Variants in CACNA1H observed in about 807,000 individuals in gnomAD.
CACNA1H encodes calcium voltage-gated channel subunit alpha1 H.
A neutral mutation model predicts 192.5 loss-of-function variants in CACNA1H; 149 were observed. The observed-to-expected ratio is 0.77, with a 90% CI of 0.68 to 0.89. The LOEUF (loss-of-function observed/expected upper bound fraction) is 0.89. Ranked by LOEUF, CACNA1H falls within the 40% of genes least tolerant of loss-of-function variation. The probability of loss-of-function intolerance (pLI) is 0.00; values close to 1 mark genes in which losing one functional copy is unlikely to be tolerated. For synonymous variants in CACNA1H, 2,202 were observed against 1,475.2 expected (o/e 1.49, Z -11.29); for missense variants, 4,257 against 3,423.5 (o/e 1.24, Z -6.08).
chr16:1,186,708 GCCT>G (rs576136766), intron 2 of CACNA1H, among the ~76,000 whole-genome samples: 91 of 152,282 alleles, frequency 6.0e-4, no homozygotes, highest in African/African-American at 1.2e-3. Context: ...TGGCACCACC[GCCT>G]CCTCAACGGG....
At chr16:1,207,494 C>T (rs912547533) in intron 14 of CACNA1H, 64 bp downstream of exon 14, 33 of 1,532,274 alleles carry the variant, frequency 2.2e-5, no homozygotes, top group African/African-American at 6.8e-5. Flanking sequence ...GGCTTCAGGT[C>T]GAGGGGAGGG....
chr16:1,216,171 C>T lies in CACNA1H; in HGVS notation c.5244+578C>T, dbSNP rs373143748. On this transcript the variant is annotated intron_variant, in intron 30 of 34. Transcript: ENST00000348261. ...CCCCCACGGCTGCCTATGCACCCGG[C>T]ACCTCCTCCTGTTCCCACCCATTTC... is the stretch of plus-strand genomic sequence containing the variant. Among the ~76,000 whole-genome samples the T allele has an allele frequency of 1.4e-3, 214 of 152,312 alleles. 1 individual carries two copies. Among genetic ancestry groups the T allele is most frequent in the African/African-American group, 4.7e-3 (197 of 41,558 alleles).
chr16:1,165,930 G>C (rs1467688849), intron 2 of CACNA1H, among the ~76,000 whole-genome samples: 3 of 152,158 alleles, frequency 2.0e-5, no homozygotes, highest in Non-Finnish European at 4.4e-5. Flanking sequence ...CGGCCGTGTG[G>C]GGCAAGAGTG....
chr16:1,205,810 G>T (rs1347260577), intron 11 of CACNA1H, among the ~76,000 whole-genome samples: 1 of 152,200 alleles, frequency 6.6e-6, no homozygotes, highest in East Asian at 1.9e-4. Flanking sequence ...GCTGTGGAAG[G>T]CCCAGGATAG....
intron 2 of CACNA1H, among the ~76,000 whole-genome samples, chr16:1,185,483 A>ACGC (rs1246826883): frequency 6.8e-6 from 1 of 147,978 alleles, no homozygotes; most frequent in Non-Finnish European, 1.5e-5. Context: ...TCCCACATGG[A>ACGC]CGCTGCCATC....
chr16:1,165,276 C>T (rs1323247016), intron 2 of CACNA1H, among the ~76,000 whole-genome samples: 1 of 152,210 alleles, frequency 6.6e-6, no homozygotes, highest in Non-Finnish European at 1.5e-5. Context: ...ACAGGAATGG[C>T]TTCAGCGGGC....
intron 5 of CACNA1H, among the ~76,000 whole-genome samples, chr16:1,196,300 C>T (rs1046872303): frequency 2.0e-5 from 3 of 152,268 alleles, no homozygotes; most frequent in East Asian, 3.8e-4. Flanking sequence ...TCCGAACCTC[C>T]GGTTCCTTCT....
Position 1,210,587 on chromosome 16 carries a change from G to A in CACNA1H, c.3974G>A (p.Arg1325Gln), listed in dbSNP as rs949170696. 2.4e-5 allele frequency: 38 copies of A among 1,608,834 alleles called. No individual in the cohort carries two copies. In the Admixed American group the frequency reaches 4.2e-4, roughly 18 times the overall value. The change falls in exon 20 of 35, where the codon CGG (arginine) becomes CAG (glutamine). Residue 1325 changes from arginine to glutamine, a missense_variant. Physicochemically the swap from Arg to Gln is conservative, Grantham distance 43. Coordinates refer to ENST00000348261, the MANE Select transcript of CACNA1H (RefSeq NM_021098.3). ...RPDIDPGSTE[R>Q]VFLSVSNYIF... ...CCCACCGTCCTCTCCCGGCAGGAGCGGGTCTTCCTCAGCGTCTCCAATTAC... is the reference window on the plus strand; with the variant it reads ...CCCACCGTCCTCTCCCGGCAGGAGCAGGTCTTCCTCAGCGTCTCCAATTAC...
Position 1,202,073 on chromosome 16 carries a change from C to CA in CACNA1H, c.1623_1624insA (p.Glu542ArgfsTer114). The CA allele has an allele frequency of 6.5e-7, 1 of 1,540,792 alleles. No homozygotes were observed. The highest frequency in any genetic ancestry group is 1.2e-5 in the South Asian group (1 of 83,918). ...ATGGCAGCCCCCGCAGGCCCGGCCC[C>CA]GAGCCAGGCGCCTGCGACACCAGGC... On this transcript the variant is annotated frameshift_variant, in exon 9 of 35. Coordinates refer to ENST00000348261, the MANE Select transcript of CACNA1H (RefSeq NM_021098.3). LOFTEE classifies it high-confidence loss of function.
chr16:1,195,888 C>A, intron 4 of CACNA1H, 38 bp from the exon 5 acceptor site: 1 of 1,517,400 alleles, frequency 6.6e-7, no homozygotes, highest in Non-Finnish European at 9.2e-7. Context: ...ACCACCTGGG[C>A]TCCTTGTTGA....
At chr16:1,219,652 G>C (rs961563259) in intron 34 of CACNA1H, among the ~76,000 whole-genome samples, 1 of 152,222 alleles carries the variant, frequency 6.6e-6, no homozygotes, top group African/African-American at 2.4e-5. Context: ...GCAGTTAGGA[G>C]AGCCCCATCC....
Position 1,198,733 on chromosome 16 carries a change from C to T in CACNA1H, c.762C>T (p.Gly254=), listed in dbSNP as rs754145810. 9.9e-6 allele frequency: 16 copies of T among 1,612,872 alleles called. No homozygotes were observed. The African/African-American group carries it at 1.1e-4, about 11-fold the overall frequency. Residue 254 remains glycine (G), a synonymous_variant, in exon 6 of 35, where the codon GGC becomes GGT. Coordinates refer to ENST00000348261, the MANE Select transcript of CACNA1H (RefSeq NM_021098.3). ...FGIVGVQLWA[G]LLRNRCFLDS... ...TCGTTGGCGTCCAGCTCTGGGCTGG[C>T]CTCCTGCGGAACCGCTGCTTCCTGG...
At chr16:1,183,830 C>T (rs1965717997) in intron 2 of CACNA1H, among the ~76,000 whole-genome samples, 1 of 152,256 alleles carries the variant, frequency 6.6e-6, no homozygotes, top group Non-Finnish European at 1.5e-5. Context: ...GTCCCACCTG[C>T]TGGGAGACTC....
rs377043732 is a variant in CACNA1H at position 1,167,282 on chromosome 16, C to T, written c.299+13246C>T. On this transcript the variant is annotated intron_variant, in intron 2 of 34. Coordinates refer to ENST00000348261, the MANE Select transcript of CACNA1H (RefSeq NM_021098.3). This position sits in a 1 kb window ranked among gnomAD's most constrained non-coding sequence, Gnocchi z 4.2. ...GCCCGTCCCGGTGGGTGGGGCTTGC[C>T]GGCCGCCCGCGAATGTCAGGAACCT... Among the ~76,000 whole-genome samples, 11 of 152,224 alleles carry T rather than the reference C, an allele frequency of 7.2e-5. No individual in the cohort carries two copies. The highest frequency in any genetic ancestry group is 5.8e-4 in the East Asian group (3 of 5,162).
chr16:1,201,689 G>A lies in CACNA1H; in HGVS notation c.1239G>A (p.Leu413=), dbSNP rs757659376. 4.2e-5 allele frequency: 68 copies of A among 1,605,760 alleles called. No individual in the cohort carries two copies. Among genetic ancestry groups the A allele is most frequent in the Non-Finnish European group, 2.6e-6 (3 of 1,175,364 alleles). The change falls in exon 9 of 35, where the codon CTG becomes CTA. Residue 413 remains leucine (L), a synonymous_variant. Transcript: ENST00000348261. ...TGGGCTCCTTCTTCATGATCAACCTGTGCCTGGTGGTGATTGCCACGCAGT... is the reference window on the plus strand; with the variant it reads ...TGGGCTCCTTCTTCATGATCAACCTATGCCTGGTGGTGATTGCCACGCAGT... ...IIVGSFFMIN[L]CLVVIATQFS... is the part of the protein sequence containing the mutation.
intron 9 of CACNA1H, 144 bp downstream of exon 9, chr16:1,202,596 G>A: frequency 3.9e-6 from 3 of 767,488 alleles, no homozygotes; most frequent in South Asian, 4.3e-5. Context: ...TATGCCTCTG[G>A]AGCCCATAAG....
chr16:1,200,140 C>T lies in CACNA1H; in HGVS notation c.804-116C>T, dbSNP rs1196592859. On this transcript the variant is annotated intron_variant, in intron 6 of 34. Transcript: ENST00000348261. ...CCCTAACCATGATTAGTCCACTGGC[C>T]CTGACCCTGATCACGTCCCTGACCT... 4.8e-6 allele frequency: 4 copies of T among 837,712 alleles called. No homozygotes were observed. The African/African-American group carries it at 5.2e-5, about 11-fold the overall frequency. 51.9% of individuals were successfully genotyped at this position (837,712 alleles called of 1,614,324 possible).
chr16:1,175,726 C>T (rs181863015), intron 2 of CACNA1H, among the ~76,000 whole-genome samples: 1 of 152,166 alleles, frequency 6.6e-6, no homozygotes, highest in Non-Finnish European at 1.5e-5. Flanking sequence ...GAGGAAGATC[C>T]TGGGAGTGGG....
chr16:1,202,723 C>G (rs886636289), intron 9 of CACNA1H, among the ~76,000 whole-genome samples: 3 of 152,118 alleles, frequency 2.0e-5, no homozygotes, highest in African/African-American at 7.2e-5. Flanking sequence ...CAAGGCTTGT[C>G]AGACCCTCCT....
Sources: gnomAD v4.1 joint callset for allele counts (sites outside exome capture counted in the v4.1 genomes callset) on GRCh38, gnomAD v4.1.1 for gene constraint, Gnocchi (gnomAD v3.1) non-coding constraint, MANE v1.5 for transcripts, NCBI Gene and HGNC (gene_info 2026-07-23, HGNC 2026-07-21) for gene names.